Variants in RMST observed in about 807,000 individuals in gnomAD.
RMST encodes the protein rhabdomyosarcoma 2 associated transcript.
chr12:97,477,510 A>G (rs919946833), intron 5 of RMST, among the ~76,000 whole-genome samples: 14 of 152,214 alleles, frequency 9.2e-5, no homozygotes, highest in African/African-American at 3.4e-4. Flanking sequence ...AAAATTATAT[A>G]AAACAAAATA....
At chr12:97,463,124 T>G (rs991088151) in intron 3 of RMST, 8 of 152,036 alleles carry the variant, frequency 5.3e-5, no homozygotes, top group Admixed American at 2.6e-4. Flanking sequence ...AAATCCTCTC[T>G]TTCTCTTTCT....
intron 10 of RMST, among the ~76,000 whole-genome samples, chr12:97,521,516 T>G (rs909335034): frequency 1.3e-5 from 2 of 152,168 alleles, no homozygotes; most frequent in African/African-American, 4.8e-5. Context: ...CACTGAGATA[T>G]AAAATAAGTA....
chr12:97,483,303 A>T (rs1279636741), intron 5 of RMST: 1 of 152,148 alleles, frequency 6.6e-6, no homozygotes, highest in Non-Finnish European at 1.5e-5. Context: ...TAGGTTTTTT[A>T]AAAGTAGGGT....
intron 5 of RMST, among the ~76,000 whole-genome samples, chr12:97,469,193 T>C (rs1565915547): frequency 2.0e-5 from 3 of 149,634 alleles, no homozygotes; most frequent in Non-Finnish European, 4.4e-5. Context: ...TGTGTGTATA[T>C]ATATACACAT....
intron 10 of RMST, among the ~76,000 whole-genome samples, chr12:97,496,855 T>C (rs560625127): frequency 6.6e-6 from 1 of 152,306 alleles, no homozygotes; most frequent in East Asian, 1.9e-4. Context: ...AATGCATTTT[T>C]AAGGGAGCTT....
chr12:97,525,264 T>A (rs1165981267), intron 10 of RMST, among the ~76,000 whole-genome samples: 1 of 152,190 alleles, frequency 6.6e-6, no homozygotes. Context: ...AACAAATGGT[T>A]TTGAAAATAA....
intron 11 of RMST, among the ~76,000 whole-genome samples, chr12:97,542,474 A>G (rs1882621338): frequency 6.6e-6 from 1 of 151,928 alleles, no homozygotes; most frequent in African/African-American, 2.4e-5. Context: ...AATAATACCA[A>G]AAATGTTTTC....
At position 97,465,550 on chromosome 12, in the gene RMST, T is replaced by C. The variant is rs186419777; in HGVS notation, n.585-118T>C. 34 of 152,328 alleles carry C rather than the reference T, an allele frequency of 2.2e-4. No homozygotes were observed. The East Asian group carries it at 5.6e-3, about 25-fold the overall frequency. The allele number at this position is 152,328 out of a possible 1,614,324, so 9.4% of individuals were successfully genotyped here. ...TAAGATGCTGATGACAAAATAGGTA[T>C]CAGGAAAGGCATTTACTGCTTATGA... On this transcript the variant is annotated intron_variant and non_coding_transcript_variant, in intron 4 of 13. Coordinates refer to ENST00000640149, the Ensembl canonical transcript of RMST.
chr12:97,542,926 A>G (rs1302498274), intron 11 of RMST, among the ~76,000 whole-genome samples: 4 of 151,936 alleles, frequency 2.6e-5, no homozygotes, highest in Admixed American at 1.3e-4. Flanking sequence ...TGAGAAGTTA[A>G]TGAAGTTACC....
chr12:97,508,814 T>C (rs542941543), intron 10 of RMST, among the ~76,000 whole-genome samples: 1 of 152,352 alleles, frequency 6.6e-6, no homozygotes, highest in South Asian at 2.1e-4. Context: ...TATAAATGTC[T>C]GAAAGTAGTA....
At chr12:97,466,589 T>C (rs1873222445) in intron 5 of RMST, among the ~76,000 whole-genome samples, 1 of 152,154 alleles carries the variant, frequency 6.6e-6, no homozygotes, top group Non-Finnish European at 1.5e-5. Context: ...TTTCCTGAAA[T>C]GATTAAATTC....
intron 5 of RMST, chr12:97,491,594 T>C (rs560712624): frequency 2.5e-5 from 5 of 202,022 alleles, no homozygotes; most frequent in Non-Finnish European, 4.3e-5. Flanking sequence ...CCTGGACCAG[T>C]TGGGAAGAGG....
chr12:97,546,091 C>G (rs1054146369), intron 11 of RMST, among the ~76,000 whole-genome samples: 1 of 152,110 alleles, frequency 6.6e-6, no homozygotes, highest in Non-Finnish European at 1.5e-5. Context: ...ACGCCTCAAT[C>G]ATTATTACCA....
intron 11 of RMST, among the ~76,000 whole-genome samples, chr12:97,546,792 C>T (rs752020973): frequency 1.2e-4 from 18 of 152,012 alleles, no homozygotes; most frequent in Non-Finnish European, 1.5e-4. Context: ...ATCTCACATA[C>T]TTATCTTTTT....
chr12:97,465,267 T>A (rs1873047707), intron 4 of RMST, among the ~76,000 whole-genome samples: 1 of 152,164 alleles, frequency 6.6e-6, no homozygotes. Flanking sequence ...TACGGGCGGC[T>A]CTGTCGCCTT....
intron 10 of RMST, among the ~76,000 whole-genome samples, chr12:97,508,146 C>T (rs964858754): frequency 9.9e-5 from 15 of 152,020 alleles, no homozygotes; most frequent in African/African-American, 3.1e-4. Flanking sequence ...TGAATTAATA[C>T]GACTTGAGGA....
rs111268520 is a variant in RMST at position 97,501,483 on chromosome 12, C to T, written n.1340+5427C>T. ...TATTGCAGGTATATTACTTTTTCTC[C>T]AGAGGACAGGCTCATTGTTGTGTTG... is the stretch of plus-strand genomic sequence containing the variant. On this transcript the variant is annotated intron_variant and non_coding_transcript_variant, in intron 10 of 13. Transcript: ENST00000640149. 8.9e-3 allele frequency among the ~76,000 whole-genome samples: 1,353 copies of T among 152,192 alleles called. 17 individuals are homozygous for T. The highest frequency in any genetic ancestry group is 0.031 in the African/African-American group (1,280 of 41,508).
Position 97,471,773 on chromosome 12 carries a change from C to T in RMST, n.644+6046C>T, listed in dbSNP as rs111637035. On this transcript the variant is annotated intron_variant and non_coding_transcript_variant, in intron 5 of 13. Coordinates refer to ENST00000640149, the Ensembl canonical transcript of RMST. Reference sequence around the variant, plus strand: ...TAGCCTCTGTGATTTGCCATAAGAACGCACAACATGCAGTTGGAAAGGGAA... The same window carrying T: ...TAGCCTCTGTGATTTGCCATAAGAATGCACAACATGCAGTTGGAAAGGGAA... Among the ~76,000 whole-genome samples, 46 of 152,242 alleles carry T rather than the reference C, an allele frequency of 3.0e-4. 1 individual carries two copies. The highest frequency in any genetic ancestry group is 1.1e-3 in the African/African-American group (44 of 41,562).
intron 5 of RMST, among the ~76,000 whole-genome samples, chr12:97,473,814 A>C (rs1034032097): frequency 6.6e-6 from 1 of 152,170 alleles, no homozygotes; most frequent in Non-Finnish European, 1.5e-5. Context: ...TTTCCAGGAA[A>C]GCCAAAGATT....
Sources: gnomAD v4.1 joint callset for allele counts (sites outside exome capture counted in the v4.1 genomes callset) on GRCh38, gnomAD v4.1.1 for gene constraint, MANE v1.5 for transcripts, NCBI Gene and HGNC (gene_info 2026-07-23, HGNC 2026-07-21) for gene names.